Variants in LRSAM1 observed in about 807,000 individuals in gnomAD.
The protein encoded by LRSAM1 is leucine rich repeat and sterile alpha motif containing 1, also known as E3 ubiquitin-protein ligase LRSAM1.
LRSAM1 carries 96 observed loss-of-function variants against 118.1 expected under a neutral mutation model. That is an observed-to-expected ratio of 0.81 (90% CI 0.69 to 0.96). LRSAM1 has a LOEUF of 0.96. Among genes scored for constraint, LRSAM1 ranks in the 40% least tolerant of loss-of-function variants. The pLI is 0.00. For missense variants in LRSAM1, 804 were observed against 915.5 expected, an observed-to-expected ratio of 0.88 and a Z score of 1.57; for synonymous variants, 322 against 364.2, an observed-to-expected ratio of 0.88 and a Z score of 1.32.
At chr9:127,466,506 T>A (rs7045257) in intron 9 of LRSAM1, among the ~76,000 whole-genome samples, 1,286 of 33,992 alleles carry the variant, frequency 0.038, 29 homozygotes, top group African/African-American at 0.13. Flanking sequence ...ATATATATAT[T>A]TTTTTTTTTT....
chr9:127,500,374 A>AAAAAAAAAAAG lies in LRSAM1; in HGVS notation c.1913-635_1913-634insAAAAAAAAAGA, dbSNP rs1306368505. 9.3e-5 allele frequency among the ~76,000 whole-genome samples: 14 copies of AAAAAAAAAAAG among 150,728 alleles called. No homozygotes were observed. The East Asian group carries it at 1.8e-3, about 19-fold the overall frequency. ...AGACTGTCTCAAAAAAAAAAAAAAA[A>AAAAAAAAAAAG]AGAGACTTAGCATTTTGTAAGGGCT... is the stretch of plus-strand genomic sequence containing the variant. On this transcript the variant is annotated intron_variant, in intron 24 of 25. Coordinates refer to ENST00000300417, the MANE Select transcript of LRSAM1 (RefSeq NM_001005373.4).
At chr9:127,457,708 C>T (rs138757111) in intron 6 of LRSAM1, among the ~76,000 whole-genome samples, 202 of 152,294 alleles carry the variant, frequency 1.3e-3, no homozygotes, top group South Asian at 2.1e-3. Flanking sequence ...AGAGGAGGGA[C>T]GCGCAGGTGA....
chr9:127,466,431 G>A (rs1278941878), intron 9 of LRSAM1, among the ~76,000 whole-genome samples: 1 of 133,504 alleles, frequency 7.5e-6, no homozygotes, highest in African/African-American at 2.8e-5. Context: ...ATGTGAAAGT[G>A]TATGAATATA....
At chr9:127,466,491 TATATATA>T (rs1564258539) in intron 9 of LRSAM1, among the ~76,000 whole-genome samples, 7 of 15,114 alleles carry the variant, frequency 4.6e-4, no homozygotes, top group African/African-American at 1.0e-3. Flanking sequence ...TATATATATA[TATATATA>T]TATATATTTT....
At position 127,491,261 on chromosome 9, in the gene LRSAM1, TAA is replaced by T; in HGVS notation, c.1471_1472del (p.Lys491GlufsTer50). ...TTATTGCAGCTGACACAGCTGGAGT[TAA>T]AGAGGAAGTCCCTGGACACAGAGTC... On this transcript the variant is annotated frameshift_variant, in exon 20 of 26. Transcript: ENST00000300417. LOFTEE classifies it high-confidence loss of function. 1 of 1,613,852 alleles carries T rather than the reference TAA, an allele frequency of 6.2e-7. No individual in the cohort carries two copies. Among genetic ancestry groups the T allele is most frequent in the East Asian group, 2.2e-5 (1 of 44,876 alleles).
chr9:127,498,476 G>A (rs1836241390), intron 24 of LRSAM1, among the ~76,000 whole-genome samples: 2 of 152,302 alleles, frequency 1.3e-5, no homozygotes, highest in Middle Eastern at 3.4e-3. Flanking sequence ...CCTGAGTGGG[G>A]TGCAGTGCCT....
chr9:127,495,243 G>A (rs140541609), intron 21 of LRSAM1, 77 bp from the exon 22 acceptor site: 139 of 1,392,268 alleles, frequency 1.0e-4, no homozygotes, highest in African/African-American at 1.3e-4. Flanking sequence ...ATGAGCCACC[G>A]CGCCTGGCAA....
At chr9:127,489,063 C>G (rs1835833218) in intron 18 of LRSAM1, among the ~76,000 whole-genome samples, 1 of 152,180 alleles carries the variant, frequency 6.6e-6, no homozygotes, top group African/African-American at 2.4e-5. Flanking sequence ...GGAAAATTCT[C>G]CATTTCTCAG....
intron 13 of LRSAM1, 56 bp downstream of exon 13, chr9:127,479,561 C>T: frequency 6.2e-7 from 1 of 1,608,004 alleles, no homozygotes; most frequent in South Asian, 1.1e-5. Context: ...CCAGTGGCCT[C>T]CTGGCTTGGG....
In LRSAM1 at chr9:127,495,376, T is replaced by C. The variant is rs1836089521; in HGVS notation, c.1656T>C (p.Tyr552=). ...TRQENYWLIQ[Y]QRLLNQKPLS... is the part of the protein sequence containing the mutation. ...AGGAAAATTACTGGCTGATTCAGTA[T>C]CAACGGCTTTTGAACCAGAAGCCCT... Residue 552 remains tyrosine, a synonymous_variant, in exon 22 of 26, where the codon TAT becomes TAC. Coordinates refer to ENST00000300417, the MANE Select transcript of LRSAM1 (RefSeq NM_001005373.4). 6.2e-7 allele frequency: 1 copy of C among 1,613,932 alleles called. No individual in the cohort carries two copies. The highest frequency in any genetic ancestry group is 1.3e-5 in the African/African-American group (1 of 74,944).
intron 24 of LRSAM1, among the ~76,000 whole-genome samples, chr9:127,497,878 G>C (rs561173572): frequency 2.0e-5 from 3 of 152,368 alleles, no homozygotes; most frequent in Admixed American, 2.0e-4. Context: ...CCACGTTGAG[G>C]AACCTCCGGA....
intron 21 of LRSAM1, among the ~76,000 whole-genome samples, chr9:127,494,153 A>C (rs1476307465): frequency 6.6e-6 from 1 of 152,382 alleles, no homozygotes; most frequent in East Asian, 1.9e-4. Context: ...CCGCCCCAGC[A>C]GAACACAGCC....
At chr9:127,469,919 T>G (rs1449557090) in intron 10 of LRSAM1, among the ~76,000 whole-genome samples, 1 of 151,992 alleles carries the variant, frequency 6.6e-6, no homozygotes, top group Non-Finnish European at 1.5e-5. Context: ...GAGCCGAGAT[T>G]GCGCCACTGC....
At chr9:127,461,099 C>T (rs943344568) in intron 7 of LRSAM1, 74 bp from the exon 8 acceptor site, 54 of 1,156,394 alleles carry the variant, frequency 4.7e-5, no homozygotes, top group Non-Finnish European at 4.8e-5. Context: ...TGTGATCCAC[C>T]TGCCTCGGCC....
chr9:127,453,327 C>T (rs1384864756), intron 2 of LRSAM1, among the ~76,000 whole-genome samples: 1 of 152,226 alleles, frequency 6.6e-6, no homozygotes, highest in African/African-American at 2.4e-5. Context: ...AGTGACCCAC[C>T]TGTCTTGGCC....
rs754374008 is a variant in LRSAM1 at position 127,455,000 on chromosome 9, A to C, written c.75A>C (p.Ala25=). 67 of 1,614,010 alleles carry C rather than the reference A, an allele frequency of 4.2e-5. No homozygotes were observed. Among genetic ancestry groups the C allele is most frequent in the Non-Finnish European group, 5.5e-5 (65 of 1,179,982 alleles). The part of the protein sequence containing the change: ...RKRLEYQMCL[A]KEAGADDILD... ...TTAAAAATTCTTTTTATCCTTAGGC[A>C]AAAGAAGCTGGGGCAGATGACATTC... Residue 25 remains alanine, a splice_region_variant and synonymous_variant, in exon 4 of 26, where the codon GCA becomes GCC. Coordinates refer to ENST00000300417, the MANE Select transcript of LRSAM1 (RefSeq NM_001005373.4).
intron 21 of LRSAM1, among the ~76,000 whole-genome samples, chr9:127,494,146 C>T (rs1836034294): frequency 6.6e-6 from 1 of 152,252 alleles, no homozygotes; most frequent in Admixed American, 6.5e-5. Flanking sequence ...GGAAGCACCG[C>T]CCCAGCAGAA....
intron 17 of LRSAM1, 101 bp from the exon 18 acceptor site, chr9:127,487,575 C>T: frequency 9.0e-7 from 1 of 1,115,752 alleles, no homozygotes; most frequent in Non-Finnish European, 1.3e-6. Flanking sequence ...ATGTGGTCCA[C>T]TGAAGAAATG....
intron 16 of LRSAM1, 143 bp downstream of exon 16, chr9:127,483,163 C>G: frequency 1.3e-6 from 1 of 773,482 alleles, no homozygotes. Context: ...CCATGGAGCA[C>G]AGGCTCTGGG....
Sources: gnomAD v4.1 joint callset for allele counts (sites outside exome capture counted in the v4.1 genomes callset) on GRCh38, gnomAD v4.1.1 for gene constraint, MANE v1.5 for transcripts, NCBI Gene and HGNC (gene_info 2026-07-23, HGNC 2026-07-21) for gene names.